Variants in RTL1 observed in about 807,000 individuals in gnomAD.
The protein encoded by RTL1 is retrotransposon-like protein 1.
For synonymous variants in RTL1, 727 were observed against 748.4 expected, an observed-to-expected ratio of 0.97 and a Z score of 0.47; for missense variants, 1,681 against 1,767.5, an observed-to-expected ratio of 0.95 and a Z score of 0.88.
intron 2 of RTL1, among the ~76,000 whole-genome samples, chr14:100,901,451 G>T (rs1299310920): frequency 6.6e-6 from 1 of 152,206 alleles, no homozygotes; most frequent in African/African-American, 2.4e-5. Flanking sequence ...CTGTGAATGG[G>T]CCAGGAGAGG....
intron 2 of RTL1, among the ~76,000 whole-genome samples, 61 bp downstream of exon 2, chr14:100,903,230 T>C (rs1320184300): frequency 6.6e-6 from 1 of 152,108 alleles, no homozygotes; most frequent in Non-Finnish European, 1.5e-5. Flanking sequence ...GGGCATCCCA[T>C]AGACTATGGG....
At position 100,883,394 on chromosome 14, in the gene RTL1, C is replaced by T. The variant is rs1022180330; in HGVS notation, c.1395G>A (p.Ser465=). The part of the protein sequence containing the change: ...YPQPVQSVDG[S]LIGNEPVWLY... ...GCCAGACAGGCTCGTTGCCAATCAG[C>T]GAGCCGTCCACGGATTGGACCGGCT... The change falls in exon 4 of 4, where the codon TCG becomes TCA. Residue 465 remains serine (S), a synonymous_variant. Coordinates refer to ENST00000649591, the MANE Select transcript of RTL1 (RefSeq NM_001134888.3). This position sits in a 1 kb window ranked among gnomAD's most constrained non-coding sequence, Gnocchi z 5.9. 2.6e-6 allele frequency: 4 copies of T among 1,550,286 alleles called. No homozygotes were observed. Among genetic ancestry groups the T allele is most frequent in the East Asian group, 2.4e-5 (1 of 40,838 alleles).
At chr14:100,897,860 T>C in intron 2 of RTL1, 1 of 424,512 alleles carries the variant, frequency 2.4e-6, no homozygotes, top group Non-Finnish European at 5.0e-6. Flanking sequence ...CGAGTGTTTA[T>C]GACATTATTA....
intron 2 of RTL1, among the ~76,000 whole-genome samples, chr14:100,901,351 G>A (rs2038939646): frequency 6.6e-6 from 1 of 152,206 alleles, no homozygotes; most frequent in South Asian, 2.1e-4. Context: ...GGGAGCATAA[G>A]GCAGAAAACT....
chr14:100,897,763 T>TGGGGGGGGGGGGGGGGGGGG (rs1566760864), intron 2 of RTL1: 7 of 26,762 alleles, frequency 2.6e-4, no homozygotes, highest in African/African-American at 5.8e-4. Context: ...GGGGGGGGGG[T>TGGGGGGGGGGGGGGGGGGGG]GGGGGGGTGG....
At position 100,882,716 on chromosome 14, in the gene RTL1, A is replaced by G; in HGVS notation, c.2073T>C (p.Gly691=). The change falls in exon 4 of 4, where the codon GGT becomes GGC. Residue 691 remains glycine, a synonymous_variant. Coordinates refer to ENST00000649591, the MANE Select transcript of RTL1 (RefSeq NM_001134888.3). ...RTEDVWKAAF[G]LELEEMKSYQ... ...AGCTCTTCATCTCTTCAAGCTCCAA[A>G]CCAAACGCTGCTTTCCACACATCTT... 1 of 1,551,858 alleles carries G rather than the reference A, an allele frequency of 6.4e-7. No individual in the cohort carries two copies. Among genetic ancestry groups the G allele is most frequent in the Non-Finnish European group, 8.7e-7 (1 of 1,147,030 alleles).
Position 100,883,179 on chromosome 14 carries a change from G to A in RTL1, c.1610C>T (p.Pro537Leu), listed in dbSNP as rs774603463. 8.9e-6 allele frequency: 14 copies of A among 1,576,406 alleles called. No individual in the cohort carries two copies. Among genetic ancestry groups the A allele is most frequent in the South Asian group, 3.4e-5 (3 of 87,430 alleles). The change falls in exon 4 of 4, where the codon CCG becomes CTG. Residue 537 changes from proline to leucine, a missense_variant. Pro to Leu is a moderately conservative substitution (Grantham distance 98, BLOSUM62 -3). Transcript: ENST00000649591. The surrounding 1 kb of genome is among the most constrained non-coding windows in gnomAD (Gnocchi z 5.9). ...CTCTAGGGCAATGCATGGCGGGGGC[G>A]GGCGGAAGCAGTTCTTCAGGCAGTA... ...SPYCLKNCFR[P>L]PPPCIALERH...
chr14:100,881,390 G>A lies in RTL1; in HGVS notation c.3399C>T (p.Ile1133=), dbSNP rs75735544. 6.2e-3 allele frequency: 9,594 copies of A among 1,550,676 alleles called. 508 individuals carry two copies. In the African/African-American group the frequency reaches 0.11, roughly 18 times the overall value. ...TGGCTGTCGTGATGCTGCTGCCTGC[G>A]ATGAGGGACGAATCCAGGATGAGTC... ...SLRLILDSSL[I]AGSSITTAIT... is the part of the protein sequence containing the mutation. Residue 1133 remains isoleucine (I), a synonymous_variant, in exon 4 of 4, where the codon ATC becomes ATT. Transcript: ENST00000649591. This position sits in a 1 kb window ranked among gnomAD's most constrained non-coding sequence, Gnocchi z 6.6.
chr14:100,897,778 CG>C (rs1299149513), intron 2 of RTL1: 805 of 26,350 alleles, frequency 0.031, 38 homozygotes, highest in African/African-American at 0.12. Flanking sequence ...GGGTGGGGGG[CG>C]GGGGGGGGCA....
chr14:100,883,783 G>T lies in RTL1; in HGVS notation c.1006C>A (p.His336Asn). ...GGCTGAGGGACCCGGAATAGATAGTGCCTGATCTCCTCGTTGAGCCCCTGG... is the reference window on the plus strand; with the variant it reads ...GGCTGAGGGACCCGGAATAGATAGTTCCTGATCTCCTCGTTGAGCCCCTGG... ...LCQGLNEEIR[H>N]YLFRVPQPDS... The change falls in exon 4 of 4, where the codon CAC becomes AAC. Residue 336 changes from histidine (H) to asparagine (N), a missense_variant. Physicochemically the swap from His to Asn is moderately conservative, Grantham distance 68. Transcript: ENST00000649591. The surrounding 1 kb of genome is among the most constrained non-coding windows in gnomAD (Gnocchi z 5.9). The T allele has an allele frequency of 6.4e-7, 1 of 1,551,684 alleles. No homozygotes were observed.
Position 100,893,231 on chromosome 14 carries a change from C to G in RTL1, c.-87+213G>C, listed in dbSNP as rs367880949. ...ATTTGGTGTTCGAGGAGGGACAGGACAGCTGGCCCAGGACCTGCTAATTAT... is the reference window on the plus strand; with the variant it reads ...ATTTGGTGTTCGAGGAGGGACAGGAGAGCTGGCCCAGGACCTGCTAATTAT... On this transcript the variant is annotated intron_variant, in intron 3 of 3. Coordinates refer to ENST00000649591, the MANE Select transcript of RTL1 (RefSeq NM_001134888.3). The surrounding 1 kb of genome is among the most constrained non-coding windows in gnomAD (Gnocchi z 4.2). Among the ~76,000 whole-genome samples, 1 of 152,220 alleles carries G rather than the reference C, an allele frequency of 6.6e-6. No homozygotes were observed. The highest frequency in any genetic ancestry group is 1.5e-5 in the Non-Finnish European group (1 of 68,046).
intron 3 of RTL1, among the ~76,000 whole-genome samples, chr14:100,887,773 G>T (rs933868921): frequency 1.3e-5 from 2 of 151,914 alleles, no homozygotes; most frequent in East Asian, 3.9e-4. Flanking sequence ...GACTCTTAAT[G>T]GCTGAAGTCC....
At chr14:100,889,394 C>T (rs1388223691) in intron 3 of RTL1, among the ~76,000 whole-genome samples, 1 of 152,194 alleles carries the variant, frequency 6.6e-6, no homozygotes, top group African/African-American at 2.4e-5. Flanking sequence ...GATTGCTCTT[C>T]TCTACTTAAA....
At chr14:100,894,557 A>T (rs1336648076) in intron 2 of RTL1, 1 of 152,292 alleles carries the variant, frequency 6.6e-6, no homozygotes, top group Non-Finnish European at 1.5e-5. Flanking sequence ...ATTAATCTGC[A>T]TTGGTGACTC....
At position 100,881,711 on chromosome 14, in the gene RTL1, T is replaced by C; in HGVS notation, c.3078A>G (p.Pro1026=). 2 of 1,589,698 alleles carry C rather than the reference T, an allele frequency of 1.3e-6. No individual in the cohort carries two copies. The highest frequency in any genetic ancestry group is 1.7e-6 in the Non-Finnish European group (2 of 1,167,526). Residue 1026 remains proline (P), a synonymous_variant, in exon 4 of 4, where the codon CCA becomes CCG. Coordinates refer to ENST00000649591, the MANE Select transcript of RTL1 (RefSeq NM_001134888.3). This position sits in a 1 kb window ranked among gnomAD's most constrained non-coding sequence, Gnocchi z 6.6. ...LLASRGFPRD[P]STESGEEENE... ...TCTCTTCTTCCCCGGATTCCGTCGA[T>C]GGATCCCTGGGGAATCCCCTTGAGG...
rs2038811580 is a variant in RTL1 at position 100,893,610 on chromosome 14, T to G, written c.-148-105A>C. ...CAACCACAGTGCACACACACAGTCT[T>G]CCAGCCTGCTCTGCTCGCGTGCCTT... On this transcript the variant is annotated intron_variant, in intron 2 of 3. Coordinates refer to ENST00000649591, the MANE Select transcript of RTL1 (RefSeq NM_001134888.3). This position sits in a 1 kb window ranked among gnomAD's most constrained non-coding sequence, Gnocchi z 4.2. Among the ~76,000 whole-genome samples, 1 of 152,256 alleles carries G rather than the reference T, an allele frequency of 6.6e-6. No individual in the cohort carries two copies.
intron 2 of RTL1, among the ~76,000 whole-genome samples, chr14:100,897,301 CAAATT>C (rs1182847379): frequency 1.3e-5 from 2 of 152,098 alleles, no homozygotes; most frequent in East Asian, 3.9e-4. Flanking sequence ...GGCGAACAAG[CAAATT>C]AAATCCCCCC....
intron 2 of RTL1, among the ~76,000 whole-genome samples, chr14:100,894,470 G>A (rs1055902485): frequency 5.2e-4 from 79 of 152,286 alleles, no homozygotes; most frequent in African/African-American, 1.8e-3. Context: ...AAGTGGCTGC[G>A]CCCCAGGCTG....
rs1471844141 is a variant in RTL1 at position 100,884,821 on chromosome 14, T to C, written c.-33A>G. On this transcript the variant is annotated 5_prime_UTR_variant, in exon 4 of 4. Coordinates refer to ENST00000649591, the MANE Select transcript of RTL1 (RefSeq NM_001134888.3). ...GATGGAAAGGAGTGTATTCTGAAGATTGGTAAGGTTGTGATGGCGTCCAGT... is the reference window on the plus strand; with the variant it reads ...GATGGAAAGGAGTGTATTCTGAAGACTGGTAAGGTTGTGATGGCGTCCAGT... 1 of 1,523,070 alleles carries C rather than the reference T, an allele frequency of 6.6e-7. No individual in the cohort carries two copies. The highest frequency in any genetic ancestry group is 2.1e-5 in the Admixed American group (1 of 47,274). 94.3% of individuals were successfully genotyped at this position (1,523,070 alleles called of 1,614,324 possible). A position where few individuals can be genotyped will look rare whatever the true frequency, so the allele number is the denominator to read the frequency against.
Sources: gnomAD v4.1 joint callset for allele counts (sites outside exome capture counted in the v4.1 genomes callset) on GRCh38, gnomAD v4.1.1 for gene constraint, Gnocchi (gnomAD v3.1) non-coding constraint, MANE v1.5 for transcripts, NCBI Gene and HGNC (gene_info 2026-07-23, HGNC 2026-07-21) for gene names.